The following CEACAM6 variants were observed in gnomAD, a reference collection of about 807,000 sequenced individuals.
CEACAM6 encodes cell adhesion molecule CEACAM6.
In CEACAM6, 21 loss-of-function variants were observed where a neutral mutation model predicts 32.4. The observed-to-expected ratio is 0.65, with a 90% CI of 0.46 to 0.93. The LOEUF (loss-of-function observed/expected upper bound fraction) is 0.93, where lower values mean the gene tolerates loss of function less well. Ranked by LOEUF, CEACAM6 falls within the 40% of genes least tolerant of loss-of-function variation. CEACAM6 has a pLI of 0.00. For synonymous variants in CEACAM6, 184 were observed against 174.4 expected, an observed-to-expected ratio of 1.06 and a Z score of -0.43; for missense variants, 406 against 432.2, an observed-to-expected ratio of 0.94 and a Z score of 0.54.
Position 41,756,744 on chromosome 19 carries a change from G to A in CEACAM6, c.209G>A (p.Gly70Asp). The A allele has an allele frequency of 6.2e-7, 1 of 1,614,058 alleles. No individual in the cohort carries two copies. Residue 70 changes from glycine to aspartate, a missense_variant, in exon 2 of 6, where the codon GGC (glycine) becomes GAC (aspartate). Transcript: ENST00000199764. The stretch of plus-strand genomic sequence containing the variant: ...CGTATTGGTTACAGCTGGTACAAAG[G>A]CGAAAGAGTGGATGGCAACAGTCTA... ...QNRIGYSWYK[G>D]ERVDGNSLIV...
At chr19:41,763,414 G>A (rs1568727085) in intron 4 of CEACAM6, among the ~76,000 whole-genome samples, 1 of 152,198 alleles carries the variant, frequency 6.6e-6, no homozygotes, top group Non-Finnish European at 1.5e-5. Flanking sequence ...GCTGGGTGGT[G>A]TGGGACTGTG....
At chr19:41,762,649 A>T (rs1052062302) in intron 4 of CEACAM6, among the ~76,000 whole-genome samples, 4 of 152,106 alleles carry the variant, frequency 2.6e-5, no homozygotes, top group African/African-American at 9.7e-5. Flanking sequence ...ATGAGCTCAC[A>T]CTTTTTCCTT....
intron 1 of CEACAM6, 52 bp downstream of exon 1, chr19:41,755,754 G>A: frequency 6.7e-7 from 1 of 1,503,002 alleles, no homozygotes; most frequent in Non-Finnish European, 9.1e-7. Flanking sequence ...ACAGAGACTG[G>A]CTAGGGTCTC....
At position 41,762,134 on chromosome 19, in the gene CEACAM6, C is replaced by T; in HGVS notation, c.869C>T (p.Thr290Ile). ...CAAGAGCTCTTTATCCCCAACATCA[C>T]TGTGAATAATAGCGGATCCTATATG... ...STQELFIPNI[T>I]VNNSGSYMCQ... is the part of the protein sequence containing the mutation. Residue 290 changes from threonine to isoleucine, a missense_variant, in exon 4 of 6, where the codon ACT becomes ATT. Coordinates refer to ENST00000199764, the MANE Select transcript of CEACAM6 (RefSeq NM_002483.7). 2.5e-6 allele frequency: 4 copies of T among 1,614,202 alleles called. No homozygotes were observed. Among genetic ancestry groups the T allele is most frequent in the Non-Finnish European group, 3.4e-6 (4 of 1,180,040 alleles).
chr19:41,760,902 A>G (rs1481515538), intron 2 of CEACAM6, among the ~76,000 whole-genome samples: 2 of 152,194 alleles, frequency 1.3e-5, no homozygotes, highest in Non-Finnish European at 2.9e-5. Context: ...CAGCACCTGA[A>G]TGTTTCAGGT....
chr19:41,762,045 C>T lies in CEACAM6; in HGVS notation c.780C>T (p.His260=), dbSNP rs7246116. 5,823 of 1,614,194 alleles carry T rather than the reference C, an allele frequency of 3.6e-3. 179 individuals are homozygous for T. The African/African-American group carries it at 0.066, about 18-fold the overall frequency. ...GGGAAAATCTGAACCTCTCCTGCCA[C>T]GCAGCCTCTAACCCACCTGCACAGT... The part of the protein sequence containing the change: ...RPGENLNLSC[H]AASNPPAQYS... The change falls in exon 4 of 6, where the codon CAC becomes CAT. Residue 260 remains histidine (H), a synonymous_variant. Coordinates refer to ENST00000199764, the MANE Select transcript of CEACAM6 (RefSeq NM_002483.7).
chr19:41,756,808 A>G lies in CEACAM6; in HGVS notation c.273A>G (p.Pro91=). The change falls in exon 2 of 6, where the codon CCA becomes CCG. Residue 91 remains proline (P), a synonymous_variant. Coordinates refer to ENST00000199764, the MANE Select transcript of CEACAM6 (RefSeq NM_002483.7). ...TAATAGGAACTCAACAAGCTACCCC[A>G]GGGCCCGCATACAGTGGTCGAGAGA... The part of the protein sequence containing the change: ...GYVIGTQQAT[P]GPAYSGRETI... The G allele has an allele frequency of 1.2e-6, 2 of 1,614,166 alleles. No individual in the cohort carries two copies. Among genetic ancestry groups the G allele is most frequent in the Non-Finnish European group, 1.7e-6 (2 of 1,180,026 alleles).
intron 2 of CEACAM6, among the ~76,000 whole-genome samples, chr19:41,759,840 T>TAC (rs1198937303): frequency 2.0e-5 from 3 of 152,288 alleles, no homozygotes; most frequent in Admixed American, 6.5e-5. Context: ...ATTACAACAC[T>TAC]ACAGGTCAAG....
chr19:41,769,267 C>T (rs1229914579), intron 5 of CEACAM6, among the ~76,000 whole-genome samples: 2 of 152,108 alleles, frequency 1.3e-5, no homozygotes, highest in African/African-American at 4.8e-5. Flanking sequence ...TTGATTCTTC[C>T]TTCCTTAAAG....
chr19:41,756,711 C>T lies in CEACAM6; in HGVS notation c.176C>T (p.Pro59Leu). Reference protein sequence around the residue: ...KEVLLLAHNLPQNRIGYSWYK... With the variant: ...KEVLLLAHNLLQNRIGYSWYK... ...GTTCTTCTACTCGCCCACAACCTGCCCCAGAATCGTATTGGTTACAGCTGG... is the reference window on the plus strand; with the variant it reads ...GTTCTTCTACTCGCCCACAACCTGCTCCAGAATCGTATTGGTTACAGCTGG... Residue 59 changes from proline (P) to leucine (L), a missense_variant, in exon 2 of 6, where the codon CCC becomes CTC. By Grantham distance (98) the Pro-to-Leu change is moderately conservative. Coordinates refer to ENST00000199764, the MANE Select transcript of CEACAM6 (RefSeq NM_002483.7). 2 of 1,614,068 alleles carry T rather than the reference C, an allele frequency of 1.2e-6. No homozygotes were observed. The highest frequency in any genetic ancestry group is 1.7e-6 in the Non-Finnish European group (2 of 1,180,014).
In CEACAM6 at chr19:41,756,958, C is replaced by A; in HGVS notation, c.423C>A (p.Tyr141Ter). Residue 141 changes from tyrosine (Y) to a stop codon, truncating the protein, a stop_gained and splice_region_variant, in exon 2 of 6, where the codon TAC (tyrosine) becomes TAA (stop). Transcript: ENST00000199764. LOFTEE classifies it high-confidence loss of function. ...NEEATGQFHV[Y>*]PELPKPSISS... is the part of the protein sequence containing the mutation. The stretch of plus-strand genomic sequence containing the variant: ...AAGCAACCGGACAGTTCCATGTATA[C>A]CGTGAGTATTTCCACATGACCTCTG... 6.3e-7 allele frequency: 1 copy of A among 1,596,710 alleles called. No individual in the cohort carries two copies. Among genetic ancestry groups the A allele is most frequent in the Non-Finnish European group, 8.5e-7 (1 of 1,169,774 alleles).
intron 4 of CEACAM6, 102 bp from the exon 5 acceptor site, chr19:41,766,081 C>A: frequency 1.4e-6 from 1 of 729,298 alleles, no homozygotes; most frequent in Non-Finnish European, 2.2e-6. Context: ...TAGTGTATTC[C>A]TTGAAGGAAC....
intron 1 of CEACAM6, among the ~76,000 whole-genome samples, chr19:41,756,139 C>T (rs1383017072): frequency 6.6e-6 from 1 of 152,180 alleles, no homozygotes; most frequent in Non-Finnish European, 1.5e-5. Context: ...TCAGACAAGT[C>T]TCAGTCATCA....
intron 1 of CEACAM6, 129 bp downstream of exon 1, chr19:41,755,831 A>T: frequency 1.6e-6 from 1 of 639,264 alleles, no homozygotes; most frequent in Non-Finnish European, 2.6e-6. Context: ...ACAGAACACC[A>T]GAGAGGGACA....
At chr19:41,769,901 A>G (rs917247339) in intron 5 of CEACAM6, among the ~76,000 whole-genome samples, 1 of 149,628 alleles carries the variant, frequency 6.7e-6, no homozygotes, top group Non-Finnish European at 1.5e-5. Context: ...TATTTGCTCA[A>G]TAAAAATCTG....
Position 41,761,983 on chromosome 19 carries a change from C to A in CEACAM6, c.718C>A (p.Pro240Thr), listed in dbSNP as rs1409641740. The change falls in exon 4 of 6, where the codon CCC (proline) becomes ACC (threonine). Residue 240 changes from proline to threonine, a missense_variant. By Grantham distance (38) the Pro-to-Thr change is conservative (BLOSUM62 -1). Coordinates refer to ENST00000199764, the MANE Select transcript of CEACAM6 (RefSeq NM_002483.7). The stretch of plus-strand genomic sequence containing the variant: ...GTTTCCTCCAGATGGCCCAGATGTC[C>A]CCACCATTTCCCCCTCAAAGGCCAA... ...TLNVLYGPDV[P>T]TISPSKANYR... The A allele has an allele frequency of 2.5e-6, 4 of 1,613,986 alleles. No individual in the cohort carries two copies. In the Admixed American group the frequency reaches 6.7e-5, roughly 27 times the overall value.
At chr19:41,768,737 C>T (rs1469444654) in intron 5 of CEACAM6, among the ~76,000 whole-genome samples, 1 of 147,946 alleles carries the variant, frequency 6.8e-6, no homozygotes, top group Non-Finnish European at 1.5e-5. Context: ...GGCTGACCCC[C>T]CCACCTCCCT....
intron 2 of CEACAM6, among the ~76,000 whole-genome samples, chr19:41,760,985 C>T (rs782215083): frequency 2.6e-5 from 4 of 152,204 alleles, no homozygotes; most frequent in Admixed American, 6.5e-5. Context: ...GCTGTGACCC[C>T]GGGTCCTGTG....
intron 4 of CEACAM6, among the ~76,000 whole-genome samples, chr19:41,764,432 A>G (rs1393393676): frequency 2.6e-5 from 4 of 151,864 alleles, no homozygotes; most frequent in African/African-American, 9.7e-5. Flanking sequence ...GACTACAGGC[A>G]TATGCCATCA....
Sources: gnomAD v4.1 joint callset for allele counts (sites outside exome capture counted in the v4.1 genomes callset) on GRCh38, gnomAD v4.1.1 for gene constraint, MANE v1.5 for transcripts, NCBI Gene and HGNC (gene_info 2026-07-23, HGNC 2026-07-21) for gene names.